Variants in PRH1 observed in about 807,000 individuals in gnomAD.
The protein encoded by PRH1 is salivary acidic proline-rich phosphoprotein 1/2.
Under a neutral mutation model 7.9 loss-of-function variants are expected in PRH1, and 7 were observed. The ratio of observed to expected loss-of-function variants is 0.89; its 90% CI spans 0.50 to 1.67. PRH1 has a LOEUF of 1.67. PRH1 is among the 40% of genes most tolerant of loss of function. The pLI is 0.00. For missense variants in PRH1, 109 were observed against 223.6 expected, an observed-to-expected ratio of 0.49 and a Z score of 3.27; for synonymous variants, 45 against 80.8, an observed-to-expected ratio of 0.56 and a Z score of 2.38.
chr12:11,077,543 A>C, intron 1 of PRH1: 1 of 1,199,204 alleles, frequency 8.3e-7, no homozygotes, highest in South Asian at 1.2e-5. Flanking sequence ...AACATGAGGA[A>C]GGAGATCACA....
intron 2 of PRH1, chr12:10,909,140 G>T: frequency 6.2e-7 from 1 of 1,613,940 alleles, no homozygotes; most frequent in South Asian, 1.1e-5. Context: ...CAATTCTGGA[G>T]ATTGCCAAGA....
intron 2 of PRH1, among the ~76,000 whole-genome samples, chr12:10,942,713 C>A (rs1243972700): frequency 6.6e-6 from 1 of 152,172 alleles, no homozygotes; most frequent in East Asian, 1.9e-4. Flanking sequence ...ACTCTTCCCT[C>A]AGTTCTGGCC....
chr12:11,025,031 T>TG (rs1433999754), intron 1 of PRH1, among the ~76,000 whole-genome samples: 1 of 151,674 alleles, frequency 6.6e-6, no homozygotes, highest in Non-Finnish European at 1.5e-5. Flanking sequence ...ATTTTTTTTT[T>TG]TTTTTTTGAG....
intron 2 of PRH1, among the ~76,000 whole-genome samples, chr12:10,919,455 T>C (rs1000233485): frequency 6.6e-6 from 1 of 152,192 alleles, no homozygotes; most frequent in Non-Finnish European, 1.5e-5. Context: ...TATCAGCAAA[T>C]GTGAACTCAT....
rs1376213783 is a variant in PRH1 at position 10,908,826 on chromosome 12, C to T, written c.-58-24551G>A. ...ATTCCAAGTTGTGTTTCTTTCATAT[C>T]GGTCCAGCCAGTCTTTTATATGCAT... On this transcript the variant is annotated intron_variant, in intron 2 of 3. Coordinates refer to the PRH1 transcript ENST00000539853. 15 of 1,613,624 alleles carry T rather than the reference C, an allele frequency of 9.3e-6. No homozygotes were observed. In the Admixed American group the frequency reaches 1.0e-4, roughly 11 times the overall value.
At chr12:10,978,739 T>C (rs1939218557) in intron 1 of PRH1, among the ~76,000 whole-genome samples, 1 of 151,792 alleles carries the variant, frequency 6.6e-6, no homozygotes, top group African/African-American at 2.4e-5. Flanking sequence ...AACAAACACC[T>C]CCATTTAAAA....
At chr12:11,076,751 A>T (rs1251630158) in intron 1 of PRH1, 1 of 115,052 alleles carries the variant, frequency 8.7e-6, no homozygotes, top group Admixed American at 8.8e-5. Flanking sequence ...GGTATATATA[A>T]ATAAAACTTA....
At chr12:10,895,530 T>C (rs550343022) in intron 2 of PRH1, 49 of 152,016 alleles carry the variant, frequency 3.2e-4, no homozygotes, top group African/African-American at 1.1e-3. Flanking sequence ...CAGAGGAAAA[T>C]GGGATTGGAG....
At chr12:10,938,451 T>C in intron 2 of PRH1, 1 of 1,613,816 alleles carries the variant, frequency 6.2e-7, no homozygotes, top group Non-Finnish European at 8.5e-7. Flanking sequence ...CTTTCAGAGG[T>C]CCAAACTGAT....
At chr12:11,018,134 G>A (rs1334994597) in intron 1 of PRH1, among the ~76,000 whole-genome samples, 2 of 151,846 alleles carry the variant, frequency 1.3e-5, no homozygotes, top group Non-Finnish European at 2.9e-5. Context: ...GGCATGCAAC[G>A]TGGGCATCAT....
intron 1 of PRH1, among the ~76,000 whole-genome samples, chr12:11,153,228 A>C (rs1947153198): frequency 6.6e-6 from 1 of 152,298 alleles, no homozygotes; most frequent in African/African-American, 2.4e-5. Context: ...AGAAAGAAAA[A>C]TTATGAACTT....
intron 1 of PRH1, chr12:11,062,332 G>A (rs1311940494): frequency 1.9e-6 from 3 of 1,551,180 alleles, no homozygotes; most frequent in African/African-American, 1.4e-5. Context: ...AAATGCTGGT[G>A]TAATATCACT....
intron 1 of PRH1, among the ~76,000 whole-genome samples, chr12:11,068,192 T>C (rs2708375): frequency 0.44 from 66,013 of 150,656 alleles, 15,425 homozygotes; most frequent in Non-Finnish European, 0.51. Context: ...TTCTTGCTGA[T>C]ATTTCCCGTT....
At chr12:11,138,472 T>A (rs1048130041) in intron 1 of PRH1, among the ~76,000 whole-genome samples, 1 of 152,178 alleles carries the variant, frequency 6.6e-6, no homozygotes, top group Non-Finnish European at 1.5e-5. Context: ...AATAGTATTG[T>A]GAAATTAGAA....
chr12:11,052,399 A>G (rs2256845), intron 1 of PRH1, among the ~76,000 whole-genome samples: 68,412 of 132,040 alleles, frequency 0.52, 15,555 homozygotes, highest in Non-Finnish European at 0.59. Flanking sequence ...TTAGAATGCA[A>G]TTCTTATCAA....
At chr12:11,079,164 C>T (rs1944414338) in intron 1 of PRH1, 2 of 140,392 alleles carry the variant, frequency 1.4e-5, no homozygotes, top group South Asian at 2.1e-4. Context: ...GTAAATATTT[C>T]GAAGTGCCCT....
chr12:10,983,006 A>G (rs2135974368), intron 1 of PRH1, among the ~76,000 whole-genome samples: 1 of 152,308 alleles, frequency 6.6e-6, no homozygotes, highest in Non-Finnish European at 1.5e-5. Context: ...GTCTCAAGTC[A>G]AACCCGAAAC....
intron 2 of PRH1, among the ~76,000 whole-genome samples, chr12:10,921,929 G>T (rs996349441): frequency 1.3e-5 from 2 of 151,988 alleles, no homozygotes; most frequent in Admixed American, 1.3e-4. Flanking sequence ...ACCATACCCG[G>T]CTAATTTTTG....
intron 1 of PRH1, among the ~76,000 whole-genome samples, chr12:11,053,071 G>A (rs967794302): frequency 2.0e-5 from 3 of 152,294 alleles, no homozygotes; most frequent in Admixed American, 6.5e-5. Context: ...GTTGATGTGA[G>A]TAGCTTTTTT....
Sources: allele counts gnomAD v4.1 joint callset (sites outside exome capture counted in the v4.1 genomes callset), GRCh38; gene constraint gnomAD v4.1.1; transcripts MANE v1.5; gene names NCBI Gene and HGNC (gene_info 2026-07-23, HGNC 2026-07-21).